PDIA5: variants seen among roughly 807,000 people sequenced by gnomAD.
PDIA5 encodes protein disulfide isomerase family A member 5, also known as protein disulfide-isomerase A5.
PDIA5 carries 58 observed loss-of-function variants against 77.6 expected under a neutral mutation model. That is an observed-to-expected ratio of 0.75 (90% CI 0.61 to 0.93). The LOEUF (loss-of-function observed/expected upper bound fraction) is 0.93. Ranked by LOEUF, PDIA5 falls within the 40% of genes least tolerant of loss-of-function variation. PDIA5 has a pLI of 0.00. For missense variants in PDIA5, 630 were observed against 647.7 expected, an observed-to-expected ratio of 0.97 and a Z score of 0.30; for synonymous variants, 250 against 252.1, an observed-to-expected ratio of 0.99 and a Z score of 0.08.
At chr3:123,142,264 T>C (rs1935655993) in intron 11 of PDIA5, among the ~76,000 whole-genome samples, 1 of 152,260 alleles carries the variant, frequency 6.6e-6, no homozygotes, top group Non-Finnish European at 1.5e-5. Context: ...CAAATAGCAC[T>C]GCGTGCTTTT....
intron 6 of PDIA5, among the ~76,000 whole-genome samples, chr3:123,109,930 C>T (rs746478669): frequency 1.1e-4 from 16 of 152,224 alleles, no homozygotes; most frequent in Admixed American, 4.6e-4. Context: ...TCCCATTGTG[C>T]GGGATGTGCC....
chr3:123,083,407 G>A (rs997077278), intron 1 of PDIA5, among the ~76,000 whole-genome samples: 19 of 152,300 alleles, frequency 1.2e-4, no homozygotes, highest in African/African-American at 4.3e-4. Flanking sequence ...TGCTTTATGG[G>A]TCTCAGCCCA....
chr3:123,106,973 C>G (rs1171098997), intron 6 of PDIA5, 132 bp downstream of exon 6: 1 of 679,936 alleles, frequency 1.5e-6, no homozygotes, highest in Non-Finnish European at 2.6e-6. Flanking sequence ...TCTAGGGAAG[C>G]TAGGCCAGGA....
At chr3:123,124,247 C>T (rs762203311) in intron 9 of PDIA5, 25 bp from the exon 10 acceptor site, 2 of 1,595,368 alleles carry the variant, frequency 1.3e-6, no homozygotes, top group Non-Finnish European at 1.7e-6. Context: ...TGACTGAGCC[C>T]ACGTTGTTTC....
chr3:123,140,520 C>T (rs1935601443), intron 11 of PDIA5, among the ~76,000 whole-genome samples: 1 of 152,282 alleles, frequency 6.6e-6, no homozygotes, highest in Non-Finnish European at 1.5e-5. Context: ...GATGGGGCTA[C>T]AGTGAACTGG....
At chr3:123,079,361 T>C (rs1332188771) in intron 1 of PDIA5, among the ~76,000 whole-genome samples, 1 of 152,116 alleles carries the variant, frequency 6.6e-6, no homozygotes, top group Admixed American at 6.6e-5. Flanking sequence ...TTTGTATTTT[T>C]AGTAGAGACG....
chr3:123,073,261 G>A (rs1026207986), intron 1 of PDIA5, among the ~76,000 whole-genome samples: 4 of 152,220 alleles, frequency 2.6e-5, no homozygotes, highest in Non-Finnish European at 4.4e-5. Context: ...GGACAGGGAG[G>A]TGGGAAGCAA....
intron 2 of PDIA5, among the ~76,000 whole-genome samples, chr3:123,091,457 G>A (rs1934280200): frequency 6.6e-6 from 1 of 152,124 alleles, no homozygotes. Context: ...CGTGACTCAG[G>A]AGCCTGCTGG....
intron 11 of PDIA5, among the ~76,000 whole-genome samples, chr3:123,132,822 C>T (rs1329329617): frequency 6.6e-6 from 1 of 152,196 alleles, no homozygotes; most frequent in East Asian, 1.9e-4. Context: ...CCTTGGGAAC[C>T]TCCAGGGTCT....
chr3:123,094,441 G>A (rs771801055), intron 3 of PDIA5, among the ~76,000 whole-genome samples: 3 of 152,194 alleles, frequency 2.0e-5, no homozygotes, highest in African/African-American at 7.2e-5. Context: ...CAGCTGTCAC[G>A]AACCACTGTT....
At chr3:123,115,538 T>C (rs1934973647) in intron 7 of PDIA5, among the ~76,000 whole-genome samples, 1 of 152,278 alleles carries the variant, frequency 6.6e-6, no homozygotes, top group East Asian at 1.9e-4. Flanking sequence ...TTAGGTTGTG[T>C]GGTCCAGCCT....
At chr3:123,074,733 G>A (rs1236042456) in intron 1 of PDIA5, among the ~76,000 whole-genome samples, 1 of 152,144 alleles carries the variant, frequency 6.6e-6, no homozygotes, top group Admixed American at 6.5e-5. Context: ...AATGTAGAAA[G>A]CATTTATACA....
intron 15 of PDIA5, among the ~76,000 whole-genome samples, chr3:123,159,255 A>G (rs1936095611): frequency 6.6e-6 from 1 of 152,242 alleles, no homozygotes; most frequent in Non-Finnish European, 1.5e-5. Context: ...GAAGGAAAGT[A>G]TGTGGATGCC....
intron 7 of PDIA5, among the ~76,000 whole-genome samples, chr3:123,114,774 T>C (rs910490259): frequency 2.0e-5 from 3 of 152,170 alleles, no homozygotes; most frequent in African/African-American, 7.2e-5. Context: ...AGGTGCCTCT[T>C]ATCTTCTGAG....
chr3:123,100,278 C>T (rs905937566), intron 3 of PDIA5, among the ~76,000 whole-genome samples: 2 of 152,252 alleles, frequency 1.3e-5, no homozygotes, highest in Non-Finnish European at 2.9e-5. Context: ...TGCAGCTTCA[C>T]CACAGAGTCC....
intron 11 of PDIA5, among the ~76,000 whole-genome samples, chr3:123,142,017 C>T (rs1018660060): frequency 4.6e-5 from 7 of 152,216 alleles, no homozygotes; most frequent in Non-Finnish European, 8.8e-5. Context: ...TGGAATTGTA[C>T]ATACATGTGG....
At chr3:123,085,027 TGCCTTCTGCCATGCTCTA>T (rs974061409) in intron 1 of PDIA5, among the ~76,000 whole-genome samples, 2 of 152,168 alleles carry the variant, frequency 1.3e-5, no homozygotes, top group African/African-American at 4.8e-5. Context: ...CTGCCCCCAC[TGCCTTCTGCCATGCTCTA>T]GCCCAGACAC....
rs116429588 is a variant in PDIA5, at chr3:123,100,888, G to A, written c.258-1523G>A. Among the ~76,000 whole-genome samples, 1,002 of 152,336 alleles carry A rather than the reference G, an allele frequency of 6.6e-3. 13 individuals are homozygous for A. The highest frequency in any genetic ancestry group is 0.023 in the African/African-American group (938 of 41,574). On this transcript the variant is annotated intron_variant, in intron 3 of 16. Transcript: ENST00000316218. ...CATGTAAGCAACTGGGGGATACAGCGCCTTGCCTCAGGTGGCTGTCGTACC... is the reference window on the plus strand; with the variant it reads ...CATGTAAGCAACTGGGGGATACAGCACCTTGCCTCAGGTGGCTGTCGTACC...
intron 1 of PDIA5, 141 bp downstream of exon 1, chr3:123,067,347 C>A (rs1440471237): frequency 2.7e-6 from 2 of 730,152 alleles, no homozygotes; most frequent in Non-Finnish European, 3.8e-6. Flanking sequence ...GCCAGGCAGG[C>A]GGGCACTGGG....
Sources: gnomAD v4.1 joint callset for allele counts (sites outside exome capture counted in the v4.1 genomes callset) on GRCh38, gnomAD v4.1.1 for gene constraint, MANE v1.5 for transcripts, NCBI Gene and HGNC (gene_info 2026-07-23, HGNC 2026-07-21) for gene names.